The following CTNNA2 variants were observed in gnomAD, a reference collection of about 807,000 sequenced individuals.
CTNNA2 encodes catenin alpha-2.
In CTNNA2, 42 loss-of-function variants were observed where a neutral mutation model predicts 101.0. The observed-to-expected ratio is 0.42, with a 90% confidence interval of 0.32 to 0.54. CTNNA2 has a LOEUF of 0.54. Among genes scored for constraint, CTNNA2 ranks in the 20% least tolerant of loss-of-function variants. The pLI, the probability that CTNNA2 is intolerant of heterozygous loss-of-function variation, is 0.14. For synonymous variants in CTNNA2, 450 were observed against 456.4 expected (o/e 0.99, Z 0.18); for missense variants, 871 against 1,223.1 (o/e 0.71, Z 4.29).
In CTNNA2 at chr2:80,246,075, A is replaced by C. The variant is rs186097557; in HGVS notation, c.1057-147136A>C. Among the ~76,000 whole-genome samples the C allele has an allele frequency of 8.0e-3, 1,214 of 152,142 alleles. 5 individuals are homozygous for C. The highest frequency in any genetic ancestry group is 0.011 in the Non-Finnish European group (721 of 67,990). The stretch of plus-strand genomic sequence containing the variant: ...TCCTGAAGTGCTGGGATTATAGGCG[A>C]GATCCACCATGCTTGGCCTATGATT... On this transcript the variant is annotated intron_variant, in intron 7 of 18. Transcript: ENST00000402739.
intron 3 of CTNNA2, among the ~76,000 whole-genome samples, chr2:79,764,492 A>C (rs2105104103): frequency 6.6e-6 from 1 of 152,312 alleles, no homozygotes. Flanking sequence ...TATAGGCCAA[A>C]AAATACTGTT....
intron 3 of CTNNA2, among the ~76,000 whole-genome samples, chr2:79,764,441 A>G (rs1202660843): frequency 6.6e-6 from 1 of 152,218 alleles, no homozygotes; most frequent in African/African-American, 2.4e-5. Flanking sequence ...GAATTACAAC[A>G]TGTGCATATA....
At chr2:80,493,363 C>G (rs1687207251) in intron 9 of CTNNA2, among the ~76,000 whole-genome samples, 1 of 152,106 alleles carries the variant, frequency 6.6e-6, no homozygotes, top group Admixed American at 6.6e-5. Flanking sequence ...TCTCTGGGAA[C>G]CCTCTCTAAA....
intron 1 of CTNNA2, among the ~76,000 whole-genome samples, chr2:79,533,355 CA>C (rs1260676166): frequency 6.6e-6 from 1 of 152,000 alleles, no homozygotes; most frequent in African/African-American, 2.4e-5. Context: ...TCAGTAAATA[CA>C]GGTATTCAGT....
intron 13 of CTNNA2, among the ~76,000 whole-genome samples, chr2:80,578,442 T>C (rs1695250534): frequency 6.6e-6 from 1 of 152,154 alleles, no homozygotes; most frequent in Non-Finnish European, 1.5e-5. Context: ...CCCTCTGTAA[T>C]TTTCCATGTT....
At chr2:79,361,713 G>A (rs1430858237) in intron 3 of CTNNA2, among the ~76,000 whole-genome samples, 1 of 152,124 alleles carries the variant, frequency 6.6e-6, no homozygotes, top group East Asian at 1.9e-4. Flanking sequence ...GCAAGTTGAG[G>A]AGCAAGGGGA....
At chr2:79,964,949 C>T (rs1399820048) in intron 7 of CTNNA2, among the ~76,000 whole-genome samples, 1 of 152,174 alleles carries the variant, frequency 6.6e-6, no homozygotes, top group Non-Finnish European at 1.5e-5. Flanking sequence ...TATTTCACCT[C>T]TACAAACCAC....
At position 79,752,067 on chromosome 2, in the gene CTNNA2, T is replaced by A. The variant is rs1233764681; in HGVS notation, c.298+7485T>A. Among the ~76,000 whole-genome samples, 4 of 151,032 alleles carry A rather than the reference T, an allele frequency of 2.6e-5. No individual in the cohort carries two copies. The East Asian group carries it at 7.8e-4, about 30-fold the overall frequency. ...TAGGAGTGACAGGGGCAGGGGAGAG[T>A]GTACGGGTTTGATTTTAAACATAGA... On this transcript the variant is annotated intron_variant, in intron 3 of 18. Transcript: ENST00000402739.
chr2:80,261,578 G>A (rs1018487562), intron 7 of CTNNA2, among the ~76,000 whole-genome samples: 1 of 152,052 alleles, frequency 6.6e-6, no homozygotes, highest in African/African-American at 2.4e-5. Context: ...ATGGGACCCC[G>A]TAGGGTCCAC....
intron 2 of CTNNA2, among the ~76,000 whole-genome samples, chr2:79,224,985 A>G (rs767557451): frequency 3.3e-5 from 5 of 151,960 alleles, no homozygotes; most frequent in South Asian, 2.1e-4. Context: ...GGATAATATG[A>G]CAGTCTACAA....
intron 8 of CTNNA2, among the ~76,000 whole-genome samples, chr2:80,414,314 T>C (rs1162137992): frequency 6.6e-6 from 1 of 152,238 alleles, no homozygotes. Context: ...ATTCCTGTCC[T>C]AGTTCATAGC....
chr2:80,379,927 A>G lies in CTNNA2; in HGVS notation c.1057-13284A>G, dbSNP rs184109189. ...TTTATTTTCTCATTTTTTAGCCACCATTTACCACTATTTAACCAGCAGCAG... is the reference window on the plus strand; with the variant it reads ...TTTATTTTCTCATTTTTTAGCCACCGTTTACCACTATTTAACCAGCAGCAG... On this transcript the variant is annotated intron_variant, in intron 7 of 18. Transcript: ENST00000402739. 2.3e-4 allele frequency among the ~76,000 whole-genome samples: 35 copies of G among 149,860 alleles called. No homozygotes were observed. The East Asian group carries it at 6.9e-3, about 29-fold the overall frequency.
At chr2:80,607,836 T>C (rs1413260776) in intron 16 of CTNNA2, among the ~76,000 whole-genome samples, 1 of 151,874 alleles carries the variant, frequency 6.6e-6, no homozygotes, top group Non-Finnish European at 1.5e-5. Context: ...TCCTCTGCAT[T>C]AAAATAACAT....
intron 7 of CTNNA2, among the ~76,000 whole-genome samples, chr2:80,207,044 CTT>C (rs1229433499): frequency 2.6e-5 from 4 of 152,106 alleles, no homozygotes; most frequent in African/African-American, 9.7e-5. Flanking sequence ...GGTTGTGTGA[CTT>C]TGCTTACTTA....
chr2:79,240,876 C>T (rs1674617573), intron 2 of CTNNA2, among the ~76,000 whole-genome samples: 1 of 152,072 alleles, frequency 6.6e-6, no homozygotes, highest in South Asian at 2.1e-4. Flanking sequence ...TTTTGGGATC[C>T]CCTATACTTT....
chr2:80,085,045 G>A (rs180821761), intron 7 of CTNNA2, among the ~76,000 whole-genome samples: 1 of 152,226 alleles, frequency 6.6e-6, no homozygotes, highest in Admixed American at 6.5e-5. Context: ...TTAAATGGTA[G>A]AAGAGGAACT....
At chr2:79,458,445 A>G (rs1385080235) in intron 4 of CTNNA2, among the ~76,000 whole-genome samples, 1 of 152,144 alleles carries the variant, frequency 6.6e-6, no homozygotes, top group Non-Finnish European at 1.5e-5. Flanking sequence ...GTTTTGCCAG[A>G]TAGTGGTTGT....
chr2:79,751,593 CAAAAAAAAA>C (rs397985098), intron 3 of CTNNA2, among the ~76,000 whole-genome samples: 1 of 68,942 alleles, frequency 1.5e-5, no homozygotes, highest in Non-Finnish European at 2.9e-5. Context: ...GACTCCATCT[CAAAAAAAAA>C]AAAAAAAAAA....
chr2:79,894,057 TTCTTCTTC>T (rs1558619720), intron 6 of CTNNA2, among the ~76,000 whole-genome samples: 1 of 74,822 alleles, frequency 1.3e-5, no homozygotes, highest in Non-Finnish European at 2.8e-5. Context: ...CTTCTTCTTC[TTCTTCTTC>T]CTCCTCCTCC....
Sources: allele counts gnomAD v4.1 joint callset (sites outside exome capture counted in the v4.1 genomes callset), GRCh38; gene constraint gnomAD v4.1.1; transcripts MANE v1.5; gene names NCBI Gene and HGNC (gene_info 2026-07-23, HGNC 2026-07-21).